EPC2: variants seen among roughly 807,000 people sequenced by gnomAD.
EPC2 encodes enhancer of polycomb 2, also known as enhancer of polycomb homolog 2.
In EPC2, 14 loss-of-function variants were observed where a neutral mutation model predicts 92.1. The ratio of observed to expected loss-of-function variants is 0.15; its 90% CI spans 0.10 to 0.24. The LOEUF is 0.24. Ranked by LOEUF, EPC2 falls within the 10% of genes least tolerant of loss-of-function variation. The pLI is 1.00. For synonymous variants in EPC2, 340 were observed against 334.7 expected (o/e 1.02, Z -0.17); for missense variants, 755 against 971.5 (o/e 0.78, Z 2.96).
Position 148,651,886 on chromosome 2 carries a change from C to T in EPC2, c.153+6716C>T, listed in dbSNP as rs78149017. On this transcript the variant is annotated intron_variant, in intron 1 of 13. Transcript: ENST00000258484. ...CTGAAACTTTAGAAATTAAGTAACT[C>T]GCCTAAGATCATCCGTCTAAAAAAG... 1.3e-3 allele frequency among the ~76,000 whole-genome samples: 205 copies of T among 152,212 alleles called. 3 individuals are homozygous for T. The East Asian group carries it at 0.036, about 26-fold the overall frequency.
At position 148,786,528 on chromosome 2, in the gene EPC2, T is replaced by G. The variant is rs1683871933; in HGVS notation, c.*151T>G. The G allele has an allele frequency of 4.0e-6, 2 of 503,674 alleles. No individual in the cohort carries two copies. Among genetic ancestry groups the G allele is most frequent in the Non-Finnish European group, 7.0e-6 (2 of 285,682 alleles). 31.2% of individuals were successfully genotyped at this position (503,674 alleles called of 1,614,324 possible). A position where few individuals can be genotyped will look rare whatever the true frequency, so the allele number is the denominator to read the frequency against. ...GGATGTTAAATCCATATATGATGTA[T>G]ATTTTGTAAAATTGGGAAAATCACT... On this transcript the variant is annotated 3_prime_UTR_variant, in exon 14 of 14. Coordinates refer to ENST00000258484, the MANE Select transcript of EPC2 (RefSeq NM_015630.4).
At chr2:148,770,191 C>T (rs1406658968) in intron 8 of EPC2, among the ~76,000 whole-genome samples, 1 of 152,092 alleles carries the variant, frequency 6.6e-6, no homozygotes, top group Admixed American at 6.6e-5. Flanking sequence ...AGGCGCATAC[C>T]ACTACATGCT....
intron 2 of EPC2, 55 bp downstream of exon 2, chr2:148,690,428 G>C (rs1681623539): frequency 2.8e-6 from 4 of 1,452,192 alleles, no homozygotes. Context: ...TCAACCAGTG[G>C]AAATCTTTTC....
intron 2 of EPC2, among the ~76,000 whole-genome samples, 192 bp from the exon 3 acceptor site, chr2:148,743,430 C>G (rs1254508470): frequency 6.6e-5 from 10 of 152,006 alleles, no homozygotes; most frequent in Non-Finnish European, 4.4e-5. Flanking sequence ...CTGTTTAAAT[C>G]ATATATAAAG....
intron 1 of EPC2, among the ~76,000 whole-genome samples, chr2:148,669,287 G>A (rs1681110691): frequency 6.6e-6 from 1 of 152,066 alleles, no homozygotes. Flanking sequence ...TTTTTAATGA[G>A]TCTCTTTTAA....
At chr2:148,774,624 T>TATTTTATATATATA (rs935978031) in intron 10 of EPC2, among the ~76,000 whole-genome samples, 2 of 132,574 alleles carry the variant, frequency 1.5e-5, no homozygotes, top group African/African-American at 5.4e-5. Flanking sequence ...AAAATATATT[T>TATTTTATATATATA]TATATATATA....
intron 2 of EPC2, among the ~76,000 whole-genome samples, chr2:148,709,796 A>G (rs144370309): frequency 1.3e-5 from 2 of 152,188 alleles, no homozygotes; most frequent in Admixed American, 6.6e-5. Flanking sequence ...CCAGCCATGT[A>G]TGGAAAGCTG....
At chr2:148,680,446 A>G (rs1681371854) in intron 1 of EPC2, among the ~76,000 whole-genome samples, 1 of 152,196 alleles carries the variant, frequency 6.6e-6, no homozygotes. Context: ...ATGCCTACTG[A>G]TAAATAATTT....
chr2:148,659,803 C>A (rs1471893714), intron 1 of EPC2, among the ~76,000 whole-genome samples: 1 of 151,728 alleles, frequency 6.6e-6, no homozygotes, highest in Non-Finnish European at 1.5e-5. Context: ...TAAAAGTTGC[C>A]CTTTATTTAC....
chr2:148,750,342 G>A (rs1029092136), intron 3 of EPC2, among the ~76,000 whole-genome samples: 1 of 151,652 alleles, frequency 6.6e-6, no homozygotes, highest in Admixed American at 6.6e-5. Flanking sequence ...AGCAGTCTTC[G>A]AATTTACACA....
At chr2:148,715,088 C>T (rs1682231269) in intron 2 of EPC2, among the ~76,000 whole-genome samples, 1 of 130,534 alleles carries the variant, frequency 7.7e-6, no homozygotes, top group Admixed American at 8.7e-5. Context: ...GGCTGAAGTG[C>T]AGTGGCACGA....
chr2:148,775,378 C>G (rs544635391), intron 10 of EPC2, among the ~76,000 whole-genome samples: 63 of 151,920 alleles, frequency 4.1e-4, no homozygotes, highest in Admixed American at 1.9e-3. Context: ...TTTAACTGTT[C>G]TTTGAAATGA....
chr2:148,747,155 G>A (rs1683000397), intron 3 of EPC2, among the ~76,000 whole-genome samples: 1 of 151,792 alleles, frequency 6.6e-6, no homozygotes, highest in African/African-American at 2.4e-5. Context: ...TTTAGTTACT[G>A]ATTAACCTTC....
In EPC2 at chr2:148,721,973, A is replaced by C. The variant is rs541243132; in HGVS notation, c.314-21649A>C. Among the ~76,000 whole-genome samples the C allele has an allele frequency of 2.5e-5, 3 of 121,798 alleles. No individual in the cohort carries two copies. The East Asian group carries it at 7.2e-4, about 29-fold the overall frequency. The allele number at this position is 121,798 out of a possible 152,430, so 79.9% of individuals were successfully genotyped here. On this transcript the variant is annotated intron_variant, in intron 2 of 13. Transcript: ENST00000258484. ...TGCATGTTGTCTGTTTTTTCCATTA[A>C]AGCCTTATAGTTTTCTGAAATTCCT... is the stretch of plus-strand genomic sequence containing the variant.
chr2:148,690,318 C>T lies in EPC2; in HGVS notation c.258C>T (p.Tyr86=), dbSNP rs749124289. The T allele has an allele frequency of 1.2e-6, 2 of 1,612,374 alleles. No homozygotes were observed. Among genetic ancestry groups the T allele is most frequent in the Admixed American group, 3.4e-5 (2 of 59,552 alleles). ...AGGCAGAGAGCAACGTCAACTATTA[C>T]AATCGCTTGTACAAAGGAGAGTTTA... ...VPEAESNVNY[Y]NRLYKGEFKQ... is the part of the protein sequence containing the mutation. The change falls in exon 2 of 14, where the codon TAC becomes TAT. Residue 86 remains tyrosine (Y), a synonymous_variant. Transcript: ENST00000258484.
intron 1 of EPC2, among the ~76,000 whole-genome samples, chr2:148,681,789 T>C (rs1558807744): frequency 6.6e-6 from 1 of 152,300 alleles, no homozygotes; most frequent in East Asian, 1.9e-4. Context: ...GTTACATAGG[T>C]ATACATGTGC....
chr2:148,723,588 T>G (rs1186010201), intron 2 of EPC2, among the ~76,000 whole-genome samples: 1 of 152,172 alleles, frequency 6.6e-6, no homozygotes, highest in Non-Finnish European at 1.5e-5. Flanking sequence ...GATTTAAGTG[T>G]TGTTTATTTT....
chr2:148,758,530 G>A (rs191613145), intron 4 of EPC2, among the ~76,000 whole-genome samples: 46 of 152,066 alleles, frequency 3.0e-4, no homozygotes, highest in Non-Finnish European at 2.8e-4. Flanking sequence ...CAAATAGCTG[G>A]GACTACAGGC....
At chr2:148,690,882 C>CA (rs1681631697) in intron 2 of EPC2, among the ~76,000 whole-genome samples, 1 of 152,126 alleles carries the variant, frequency 6.6e-6, no homozygotes, top group Non-Finnish European at 1.5e-5. Flanking sequence ...AGGCCGGTCT[C>CA]AAACTCCTGA....
Sources: gnomAD v4.1 joint callset for allele counts (sites outside exome capture counted in the v4.1 genomes callset) on GRCh38, gnomAD v4.1.1 for gene constraint, MANE v1.5 for transcripts, NCBI Gene and HGNC (gene_info 2026-07-23, HGNC 2026-07-21) for gene names.